The following LOC400499 variants were observed in gnomAD, a reference collection of about 807,000 sequenced individuals.
At chr16:11,465,462 G>A in the LOC400499 span, 1 of 152,154 alleles carries the variant, frequency 6.6e-6, no homozygotes, top group South Asian at 2.1e-4. Flanking sequence ...TCGCAGGATG[G>A]AGGGCAGACA....
chr16:11,390,584 T>A, the LOC400499 span: 4 of 765,304 alleles, frequency 5.2e-6, no homozygotes, highest in Non-Finnish European at 7.1e-6. Context: ...TGTGGGGAGC[T>A]GGGGGAACTG....
the LOC400499 span, among the ~76,000 whole-genome samples, chr16:11,449,273 TTCTC>T: frequency 6.6e-6 from 1 of 152,146 alleles, no homozygotes; most frequent in African/African-American, 2.4e-5. Flanking sequence ...TAGGCTAGTT[TTCTC>T]TACAGGGCCT....
chr16:11,521,804 C>T, the LOC400499 span: 16,727 of 395,478 alleles, frequency 0.042, 502 homozygotes, highest in Admixed American at 0.078. Context: ...CCACATTCCT[C>T]CCAAGGGTCC....
At chr16:11,463,522 G>A in the LOC400499 span, among the ~76,000 whole-genome samples, 1 of 151,666 alleles carries the variant, frequency 6.6e-6, no homozygotes, top group South Asian at 2.1e-4. Flanking sequence ...GTGTATACAT[G>A]GATGTGTCTG....
the LOC400499 span, chr16:11,391,813 G>C: frequency 8.1e-7 from 1 of 1,232,300 alleles, no homozygotes; most frequent in Non-Finnish European, 1.0e-6. Context: ...GCCTGGGACA[G>C]CTGCAGAAGG....
At chr16:11,383,830 C>CTAAGCTTGATGAGACAA in the LOC400499 span, 1 of 1,232,244 alleles carries the variant, frequency 8.1e-7, no homozygotes, top group Non-Finnish European at 1.0e-6. Context: ...GAGGAGGGAC[C>CTAAGCTTGATGAGACAA]TAAGCTTGAT....
the LOC400499 span, among the ~76,000 whole-genome samples, chr16:11,457,930 G>A: frequency 3.3e-5 from 5 of 152,298 alleles, no homozygotes; most frequent in South Asian, 2.1e-4. Flanking sequence ...GGACAGGCAC[G>A]GTGGCTCACA....
At chr16:11,448,683 C>T in the LOC400499 span, among the ~76,000 whole-genome samples, 1 of 151,900 alleles carries the variant, frequency 6.6e-6, no homozygotes, top group Non-Finnish European at 1.5e-5. Flanking sequence ...GCTATGACAG[C>T]ATCACTGAAC....
the LOC400499 span, among the ~76,000 whole-genome samples, chr16:11,382,274 TC>T: frequency 3.2e-4 from 48 of 152,238 alleles, no homozygotes; most frequent in Middle Eastern, 3.2e-3. Flanking sequence ...TATTTCATCC[TC>T]CCTTTGTCAT....
the LOC400499 span, among the ~76,000 whole-genome samples, chr16:11,468,056 G>C: frequency 6.6e-6 from 1 of 151,854 alleles, no homozygotes; most frequent in Non-Finnish European, 1.5e-5. Flanking sequence ...GCGAGACCTA[G>C]GTCAGATCCT....
the LOC400499 span, among the ~76,000 whole-genome samples, chr16:11,420,923 C>G: frequency 2.0e-5 from 3 of 152,210 alleles, no homozygotes; most frequent in African/African-American, 7.2e-5. Flanking sequence ...GTCTGCTGGG[C>G]TCTGATCATG....
the LOC400499 span, chr16:11,390,470 C>A: frequency 1.7e-5 from 21 of 1,238,354 alleles, no homozygotes; most frequent in Non-Finnish European, 2.0e-5. Context: ...GGCCCTGCAA[C>A]AGGCAGCCAC....
At chr16:11,500,144 A>G in the LOC400499 span, among the ~76,000 whole-genome samples, 1 of 152,178 alleles carries the variant, frequency 6.6e-6, no homozygotes, top group South Asian at 2.1e-4. Flanking sequence ...CAGGAGAACC[A>G]CTTCACACAC....
At chr16:11,523,319 C>G in the LOC400499 span, 13 of 398,252 alleles carry the variant, frequency 3.3e-5, no homozygotes, top group Non-Finnish European at 5.3e-5. Context: ...CTGGGGCTGT[C>G]TCTAATCCCA....
chr16:11,459,627 C>T, the LOC400499 span, among the ~76,000 whole-genome samples: 5 of 152,220 alleles, frequency 3.3e-5, no homozygotes, highest in Non-Finnish European at 5.9e-5. Flanking sequence ...AGACTAAAAG[C>T]GAACCGCTCT....
the LOC400499 span, among the ~76,000 whole-genome samples, chr16:11,418,149 G>A: frequency 2.7e-3 from 418 of 152,318 alleles, 1 homozygote; most frequent in Non-Finnish European, 5.0e-3. Context: ...GTCCTGGCTG[G>A]TGCGAAACAG....
the LOC400499 span, chr16:11,385,499 C>T: frequency 1.2e-5 from 12 of 983,990 alleles, no homozygotes; most frequent in Middle Eastern, 3.6e-4. Flanking sequence ...CTGGGTGCCC[C>T]GGATGCCTAG....
chr16:11,384,438 G>A, the LOC400499 span: 1 of 506,876 alleles, frequency 2.0e-6, no homozygotes, highest in Non-Finnish European at 3.1e-6. Flanking sequence ...ACACAGAGGA[G>A]CAGTAGAGTC....
At chr16:11,518,679 C>T in the LOC400499 span, among the ~76,000 whole-genome samples, 1 of 152,270 alleles carries the variant, frequency 6.6e-6, no homozygotes, top group Non-Finnish European at 1.5e-5. Context: ...GGCAGCCCCC[C>T]AGCGGTCTTC....
Sources: allele counts gnomAD v4.1 joint callset (sites outside exome capture counted in the v4.1 genomes callset), GRCh38; gene constraint gnomAD v4.1.1; transcripts MANE v1.5.